The following PLEKHG1 variants were observed in gnomAD, a reference collection of about 807,000 sequenced individuals.
PLEKHG1 encodes pleckstrin homology domain-containing family G member 1.
Under a neutral mutation model 100.8 loss-of-function variants are expected in PLEKHG1, and 44 were observed. The ratio of observed to expected loss-of-function variants is 0.44; its 90% CI spans 0.34 to 0.56. The LOEUF is 0.56. PLEKHG1 is among the 20% of genes least tolerant of loss of function. PLEKHG1 has a pLI of 0.01. For missense variants in PLEKHG1, 1,545 were observed against 1,720.9 expected (o/e 0.90, Z 1.81); for synonymous variants, 640 against 662.5 (o/e 0.97, Z 0.52).
Position 150,693,863 on chromosome 6 carries a change from A to C in PLEKHG1, c.-98-39721A>C, listed in dbSNP as rs75944229. ...GTCAGGAGGCAGGGACCTCATGACT[A>C]CCTCGAGAGGCAGAGCAAAATGGCA... On this transcript the variant is annotated intron_variant, in intron 3 of 3. Transcript: ENST00000367326. Among the ~76,000 whole-genome samples the C allele has an allele frequency of 4.1e-3, 622 of 152,370 alleles. 12 individuals are homozygous for C. Among genetic ancestry groups the C allele is most frequent in the East Asian group, 0.04 (208 of 5,194 alleles).
At chr6:150,621,131 A>G (rs1345811257) in intron 1 of PLEKHG1, among the ~76,000 whole-genome samples, 2 of 152,134 alleles carry the variant, frequency 1.3e-5, no homozygotes, top group Non-Finnish European at 2.9e-5. Context: ...AATACTGGCA[A>G]TGTGCTTAGA....
chr6:150,644,334 G>GGTTTTTT (rs1554255840), intron 2 of PLEKHG1, among the ~76,000 whole-genome samples: 7 of 117,622 alleles, frequency 6.0e-5, no homozygotes, highest in Admixed American at 9.3e-5. Context: ...TTCTTTTCGT[G>GGTTTTTT]TTTTTTTTTT....
Position 150,831,037 on chromosome 6 carries a change from G to C in PLEKHG1, c.1926G>C (p.Glu642Asp), listed in dbSNP as rs113901333. ...GCCCCAAAACAGAAGGGCAGGAGGA[G>C]ATGACTCCCTTTGGGTCATCCATAG... Residue 642 changes from glutamate (E) to aspartate (D), a missense_variant, in exon 15 of 16, where the codon GAG becomes GAC. By Grantham distance (45) the Glu-to-Asp change is conservative (BLOSUM62 2). Transcript: ENST00000358517. This position sits in a 1 kb window ranked among gnomAD's most constrained non-coding sequence, Gnocchi z 4.1. 884 of 1,614,004 alleles carry C rather than the reference G, an allele frequency of 5.5e-4. 6 individuals carry two copies. In the African/African-American group the frequency reaches 9.8e-3, roughly 18 times the overall value.
intron 1 of PLEKHG1, among the ~76,000 whole-genome samples, chr6:150,603,081 AAAAAAAAAAAAAT>A (rs1170202558): frequency 1.0e-4 from 14 of 139,302 alleles, no homozygotes; most frequent in African/African-American, 3.3e-4. Context: ...CTCCGTCTCA[AAAAAAAAAAAAAT>A]AAAAAAAAAG....
chr6:150,755,518 T>C (rs1783787366), intron 2 of PLEKHG1, among the ~76,000 whole-genome samples: 1 of 152,188 alleles, frequency 6.6e-6, no homozygotes, highest in South Asian at 2.1e-4. Flanking sequence ...GGAAGGAACC[T>C]GGGACCTAGA....
In PLEKHG1 at chr6:150,734,097, G is replaced by A. The variant is rs1411298067; in HGVS notation, c.411+5G>A. ...GATTTAAAAAGCATCGTAGAGGTAA[G>A]ACCGACTTCGCTTTTAATGTTTGCC... On this transcript the variant is annotated splice_donor_5th_base_variant and intron_variant, in intron 2 of 15. Coordinates refer to ENST00000358517, the Ensembl canonical transcript of PLEKHG1. 1.3e-6 allele frequency: 2 copies of A among 1,594,462 alleles called. No individual in the cohort carries two copies. Among genetic ancestry groups the A allele is most frequent in the East Asian group, 4.5e-5 (2 of 44,522 alleles).
chr6:150,655,445 A>G (rs1211171547), intron 3 of PLEKHG1, among the ~76,000 whole-genome samples: 1 of 152,188 alleles, frequency 6.6e-6, no homozygotes, highest in Admixed American at 6.5e-5. Context: ...GCGGTGGCTC[A>G]CGCCTGCAAT....
At chr6:150,806,396 A>G (rs902083442) in intron 7 of PLEKHG1, among the ~76,000 whole-genome samples, 28 of 152,040 alleles carry the variant, frequency 1.8e-4, no homozygotes, top group Admixed American at 1.6e-3. Context: ...GAAAATTTTT[A>G]AATGAGGGCC....
intron 1 of PLEKHG1, among the ~76,000 whole-genome samples, chr6:150,632,041 A>G (rs1044442617): frequency 6.6e-6 from 1 of 152,192 alleles, no homozygotes; most frequent in African/African-American, 2.4e-5. Context: ...GGTTCCTACA[A>G]CAAGCACGCG....
chr6:150,727,577 C>T (rs971285465), intron 1 of PLEKHG1, among the ~76,000 whole-genome samples: 1 of 151,268 alleles, frequency 6.6e-6, no homozygotes, highest in African/African-American at 2.4e-5. Context: ...GCTGTCTAGG[C>T]ATCTTTTCCT....
intron 2 of PLEKHG1, among the ~76,000 whole-genome samples, chr6:150,764,073 C>G (rs1265693657): frequency 1.3e-5 from 2 of 152,208 alleles, no homozygotes; most frequent in African/African-American, 2.4e-5. Flanking sequence ...ATCACCTAAC[C>G]AGCCTCCCCA....
chr6:150,752,223 G>A (rs1300463545), intron 2 of PLEKHG1, among the ~76,000 whole-genome samples: 1 of 152,106 alleles, frequency 6.6e-6, no homozygotes, highest in African/African-American at 2.4e-5. Flanking sequence ...CTGTTGGCTG[G>A]CCTTCATAAA....
chr6:150,831,280 TG>T lies in PLEKHG1; in HGVS notation c.2171del (p.Gly724GlufsTer22). 6.2e-7 allele frequency: 1 copy of T among 1,613,828 alleles called. No homozygotes were observed. The highest frequency in any genetic ancestry group is 8.5e-7 in the Non-Finnish European group (1 of 1,179,804). ...CACAAACAGATGGCACCCTCTCAGG[TG>T]GAGAGGCATCCAGCCAAAGCACGCA... On this transcript the variant is annotated frameshift_variant, in exon 15 of 16. Coordinates refer to ENST00000358517, the Ensembl canonical transcript of PLEKHG1. LOFTEE classifies it high-confidence loss of function. The surrounding 1 kb of genome is among the most constrained non-coding windows in gnomAD (Gnocchi z 4.1).
At chr6:150,714,195 T>A (rs1781339574) in intron 3 of PLEKHG1, among the ~76,000 whole-genome samples, 2 of 152,228 alleles carry the variant, frequency 1.3e-5, no homozygotes, top group South Asian at 4.1e-4. Flanking sequence ...TCCGATGGTG[T>A]CCTTAGAGAT....
At chr6:150,613,669 C>T (rs748390450) in intron 1 of PLEKHG1, among the ~76,000 whole-genome samples, 33 of 152,318 alleles carry the variant, frequency 2.2e-4, no homozygotes, top group Non-Finnish European at 4.6e-4. Context: ...GGAGGGCCGC[C>T]TGGCTTCTTG....
intron 15 of PLEKHG1, among the ~76,000 whole-genome samples, chr6:150,833,241 T>C (rs1583219749): frequency 6.7e-6 from 1 of 148,784 alleles, no homozygotes. Flanking sequence ...TTTGTAGAGA[T>C]GGGATTTTAC....
In PLEKHG1 at chr6:150,830,770, GGAT is replaced by G; in HGVS notation, c.1665_1667del (p.Asp555del). The G allele has an allele frequency of 3.7e-6, 6 of 1,614,134 alleles. No individual in the cohort carries two copies. The South Asian group carries it at 6.6e-5, about 18-fold the overall frequency. On this transcript the variant is annotated inframe_deletion, in exon 15 of 16. Coordinates refer to ENST00000358517, the Ensembl canonical transcript of PLEKHG1. ...GCCGACGGTCCCCGCAGGAGAATGA[GGAT>G]GATGAAGATGATTATCAGATGTTCG...
chr6:150,741,069 T>C (rs1202251853), intron 2 of PLEKHG1, among the ~76,000 whole-genome samples: 1 of 152,246 alleles, frequency 6.6e-6, no homozygotes, highest in African/African-American at 2.4e-5. Flanking sequence ...TGAGTGTTCA[T>C]ATCTTCATAC....
intron 14 of PLEKHG1, among the ~76,000 whole-genome samples, chr6:150,824,743 C>T (rs1173466088): frequency 6.6e-6 from 1 of 152,104 alleles, no homozygotes; most frequent in African/African-American, 2.4e-5. Flanking sequence ...TTGGCAACGC[C>T]AGTCTGGAAC....
Sources: allele counts gnomAD v4.1 joint callset (sites outside exome capture counted in the v4.1 genomes callset), GRCh38; gene constraint gnomAD v4.1.1; non-coding constraint Gnocchi (gnomAD v3.1); transcripts MANE v1.5; gene names NCBI Gene and HGNC (gene_info 2026-07-23, HGNC 2026-07-21).